Variants in MAML3 observed in about 807,000 individuals in gnomAD.
The protein encoded by MAML3 is mastermind-like protein 3.
Under a neutral mutation model 101.9 loss-of-function variants are expected in MAML3, and 27 were observed. The ratio of observed to expected loss-of-function variants is 0.27; its 90% CI spans 0.20 to 0.37. MAML3 has a LOEUF of 0.37. Among genes scored for constraint, MAML3 ranks in the 10% least tolerant of loss-of-function variants. MAML3 has a pLI of 1.00. For synonymous variants in MAML3, 501 were observed against 555.9 expected, an observed-to-expected ratio of 0.90 and a Z score of 1.39; for missense variants, 1,316 against 1,444.9, an observed-to-expected ratio of 0.91 and a Z score of 1.45.
At chr4:139,863,211 T>C (rs2111167705) in intron 2 of MAML3, among the ~76,000 whole-genome samples, 1 of 150,960 alleles carries the variant, frequency 6.6e-6, no homozygotes, top group Non-Finnish European at 1.5e-5. Context: ...AAGGTGGGAG[T>C]TGATATATGT....
At chr4:140,035,422 A>G (rs1328444807) in intron 1 of MAML3, among the ~76,000 whole-genome samples, 1 of 152,182 alleles carries the variant, frequency 6.6e-6, no homozygotes, top group Non-Finnish European at 1.5e-5. Context: ...AATTACTGCA[A>G]TCATCACTTA....
chr4:139,845,334 T>C (rs1731422953), intron 2 of MAML3, among the ~76,000 whole-genome samples: 2 of 152,196 alleles, frequency 1.3e-5, no homozygotes, highest in African/African-American at 2.4e-5. Flanking sequence ...AAAAGGTATA[T>C]TCATTAAGAA....
chr4:139,757,118 T>C (rs1729671355), intron 2 of MAML3, among the ~76,000 whole-genome samples: 2 of 152,120 alleles, frequency 1.3e-5, no homozygotes, highest in Non-Finnish European at 2.9e-5. Context: ...AGACTCTTCA[T>C]CTTCTGCCCG....
At chr4:139,967,962 CA>C (rs200126630) in intron 1 of MAML3, among the ~76,000 whole-genome samples, 1,434 of 102,862 alleles carry the variant, frequency 0.014, 5 homozygotes, top group South Asian at 0.025. Flanking sequence ...GACCCTGTCT[CA>C]AAAAAAAAAA....
At chr4:139,850,017 T>G (rs1731518824) in intron 2 of MAML3, among the ~76,000 whole-genome samples, 1 of 152,164 alleles carries the variant, frequency 6.6e-6, no homozygotes, top group Non-Finnish European at 1.5e-5. Flanking sequence ...TACAGACAAA[T>G]AGCACTGGTA....
At chr4:139,918,443 T>G (rs1429758683) in intron 1 of MAML3, among the ~76,000 whole-genome samples, 1 of 152,200 alleles carries the variant, frequency 6.6e-6, no homozygotes, top group African/African-American at 2.4e-5. Flanking sequence ...AGCTCCTTGC[T>G]GGGCTTATTG....
At position 139,833,645 on chromosome 4, in the gene MAML3, T is replaced by G. The variant is rs558897096; in HGVS notation, c.2079+55712A>C. On this transcript the variant is annotated intron_variant, in intron 2 of 4. Coordinates refer to ENST00000509479, the MANE Select transcript of MAML3 (RefSeq NM_018717.5). ...TGAGTTCGAGGCCCTAAGTTTACCA[T>G]GCAAGAATTTATTCTCACAGCTGTT... Among the ~76,000 whole-genome samples the G allele has an allele frequency of 2.0e-5, 3 of 152,222 alleles. No individual in the cohort carries two copies. In the East Asian group the frequency reaches 5.8e-4, roughly 29 times the overall value.
chr4:140,021,413 G>A (rs1393707612), intron 1 of MAML3, among the ~76,000 whole-genome samples: 1 of 152,134 alleles, frequency 6.6e-6, no homozygotes, highest in African/African-American at 2.4e-5. Flanking sequence ...CATTTATTGA[G>A]GGCCTACCTA....
At chr4:140,096,074 T>C (rs1181887051) in intron 1 of MAML3, among the ~76,000 whole-genome samples, 4 of 152,232 alleles carry the variant, frequency 2.6e-5, no homozygotes, top group Non-Finnish European at 4.4e-5. Flanking sequence ...TGCTCTCTAT[T>C]ACCTACCACA....
At position 139,785,106 on chromosome 4, in the gene MAML3, C is replaced by T. The variant is rs142715303; in HGVS notation, c.2080-54439G>A. Among the ~76,000 whole-genome samples the T allele has an allele frequency of 1.8e-4, 27 of 152,304 alleles. No homozygotes were observed. Among genetic ancestry groups the T allele is most frequent in the Admixed American group, 1.6e-3 (24 of 15,292 alleles). ...ACATTTGTACAAAAGAAGAAGGCGG[C>T]TAGCTTGGACACAAACACTCATGAG... On this transcript the variant is annotated intron_variant, in intron 2 of 4. Coordinates refer to ENST00000509479, the MANE Select transcript of MAML3 (RefSeq NM_018717.5). The surrounding 1 kb of genome is among the most constrained non-coding windows in gnomAD (Gnocchi z 4.3).
chr4:139,739,176 G>C (rs1475646813), intron 2 of MAML3, among the ~76,000 whole-genome samples: 6 of 152,204 alleles, frequency 3.9e-5, no homozygotes, highest in South Asian at 2.1e-4. Flanking sequence ...AACTGGAGAT[G>C]ACAAAATGAT....
intron 2 of MAML3, among the ~76,000 whole-genome samples, chr4:139,879,328 C>A (rs1732173724): frequency 6.6e-6 from 1 of 151,628 alleles, no homozygotes; most frequent in Non-Finnish European, 1.5e-5. Flanking sequence ...GAGTTCGAGA[C>A]CAGCCTGGCC....
chr4:140,109,346 T>C (rs774320604), intron 1 of MAML3, among the ~76,000 whole-genome samples: 15 of 152,204 alleles, frequency 9.9e-5, no homozygotes, highest in Non-Finnish European at 1.9e-4. Flanking sequence ...TGATTTCTTA[T>C]ACTTCTCACT....
In MAML3 at chr4:139,984,153, A is replaced by AG. The variant is rs527364307; in HGVS notation, c.469-93187dup. Among the ~76,000 whole-genome samples, 10 of 152,292 alleles carry AG rather than the reference A, an allele frequency of 6.6e-5. No individual in the cohort carries two copies. In the South Asian group the frequency reaches 2.1e-3, roughly 32 times the overall value. On this transcript the variant is annotated intron_variant, in intron 1 of 4. Transcript: ENST00000509479. ...CCAGAACAGGAGGTGGCACTGGAGTAGTGGGCTACTTGAAGGTAAGATCAG... is the reference window on the plus strand; with the variant it reads ...CCAGAACAGGAGGTGGCACTGGAGTAGGTGGGCTACTTGAAGGTAAGATCAG...
Position 140,016,174 on chromosome 4 carries a change from T to C in MAML3, c.469-125207A>G, listed in dbSNP as rs148740214. 1.8e-3 allele frequency among the ~76,000 whole-genome samples: 269 copies of C among 152,322 alleles called. 1 individual carries two copies. The highest frequency in any genetic ancestry group is 6.2e-3 in the African/African-American group (256 of 41,564). ...AATATGTGAGCACCAAAGTTGAGAA[T>C]AGAGTACCATTTACACTTACTGAAA... On this transcript the variant is annotated intron_variant, in intron 1 of 4. Transcript: ENST00000509479.
In MAML3 at chr4:140,022,087, G is replaced by T. The variant is rs895967110; in HGVS notation, c.468+130773C>A. On this transcript the variant is annotated intron_variant, in intron 1 of 4. Transcript: ENST00000509479. ...TACTCTAGACGGTGCCACAGCCCTG[G>T]AGGGACCCAAGGGAAGTTGCAAATT... Among the ~76,000 whole-genome samples the T allele has an allele frequency of 3.3e-5, 5 of 152,318 alleles. No homozygotes were observed. The East Asian group carries it at 9.6e-4, about 29-fold the overall frequency.
chr4:139,904,356 T>G (rs916968501), intron 1 of MAML3, among the ~76,000 whole-genome samples: 13 of 152,260 alleles, frequency 8.5e-5, no homozygotes, highest in African/African-American at 2.9e-4. Flanking sequence ...TGCACAAATT[T>G]GCTCATGCTT....
At chr4:139,868,954 A>G (rs2111174276) in intron 2 of MAML3, among the ~76,000 whole-genome samples, 1 of 152,376 alleles carries the variant, frequency 6.6e-6, no homozygotes, top group African/African-American at 2.4e-5. Flanking sequence ...AGGTTTATCC[A>G]AATTTCTTTC....
intron 1 of MAML3, among the ~76,000 whole-genome samples, chr4:140,133,563 A>T (rs1179569062): frequency 2.0e-5 from 3 of 152,156 alleles, no homozygotes; most frequent in African/African-American, 7.2e-5. Context: ...GTATTAAATA[A>T]TTATAATACA....
Sources: allele counts gnomAD v4.1 joint callset (sites outside exome capture counted in the v4.1 genomes callset), GRCh38; gene constraint gnomAD v4.1.1; non-coding constraint Gnocchi (gnomAD v3.1); transcripts MANE v1.5; gene names NCBI Gene and HGNC (gene_info 2026-07-23, HGNC 2026-07-21).